GNPAT: variants seen among roughly 807,000 people sequenced by gnomAD.
GNPAT encodes the protein dihydroxyacetone phosphate acyltransferase.
A neutral mutation model predicts 78.4 loss-of-function variants in GNPAT; 30 were observed. That is an observed-to-expected ratio of 0.38 (90% confidence interval 0.29 to 0.52). The LOEUF (loss-of-function observed/expected upper bound fraction) is 0.52. Ranked by LOEUF, GNPAT falls within the 20% of genes least tolerant of loss-of-function variation. The probability of loss-of-function intolerance (pLI) is 0.84; values close to 1 mark genes in which losing one functional copy is unlikely to be tolerated. For synonymous variants in GNPAT, 271 were observed against 281.1 expected (o/e 0.96, Z 0.36); for missense variants, 714 against 812.2 (o/e 0.88, Z 1.47).
intron 1 of GNPAT, among the ~76,000 whole-genome samples, chr1:231,249,316 A>G (rs1684830173): frequency 1.3e-5 from 2 of 152,170 alleles, no homozygotes; most frequent in Non-Finnish European, 2.9e-5. Flanking sequence ...GGACATAAAA[A>G]TGTTCATGTT....
At chr1:231,269,325 G>C (rs911621058) in intron 9 of GNPAT, among the ~76,000 whole-genome samples, 1 of 152,200 alleles carries the variant, frequency 6.6e-6, no homozygotes, top group African/African-American at 2.4e-5. Flanking sequence ...GGGCCCCAGA[G>C]ATTCATCAGT....
At position 231,277,911 on chromosome 1, in the gene GNPAT, A is replaced by T. The variant is rs1160972101; in HGVS notation, c.*369A>T. Reference sequence around the variant, plus strand: ...CTGAAAGCTCTGGATATTAAAAGAAAATGAAAAGGGCATATCTACGTTACT... The same window carrying T: ...CTGAAAGCTCTGGATATTAAAAGAATATGAAAAGGGCATATCTACGTTACT... On this transcript the variant is annotated 3_prime_UTR_variant, in exon 16 of 16. Coordinates refer to ENST00000366647, the MANE Select transcript of GNPAT (RefSeq NM_014236.4). 1 of 175,920 alleles carries T rather than the reference A, an allele frequency of 5.7e-6. No homozygotes were observed. Among genetic ancestry groups the T allele is most frequent in the Non-Finnish European group, 1.2e-5 (1 of 82,606 alleles). The allele number at this position is 175,920 out of a possible 1,614,324, so 10.9% of individuals were successfully genotyped here.
rs776118687 is a variant in GNPAT, at chr1:231,270,750, G to A, written c.1280-8G>A. ...CATCTTGTTTGAATGAATTGTCTTT[G>A]TGTGTAGATAATAAACCTGCTGAAG... is the stretch of plus-strand genomic sequence containing the variant. On this transcript the variant is annotated splice_region_variant and splice_polypyrimidine_tract_variant and intron_variant, in intron 9 of 15. Transcript: ENST00000366647. 45 of 1,613,988 alleles carry A rather than the reference G, an allele frequency of 2.8e-5. No individual in the cohort carries two copies. In the South Asian group the frequency reaches 4.7e-4, roughly 17 times the overall value.
At chr1:231,268,158 C>A (rs1031079287) in intron 9 of GNPAT, among the ~76,000 whole-genome samples, 1 of 152,110 alleles carries the variant, frequency 6.6e-6, no homozygotes, top group Admixed American at 6.6e-5. Context: ...AAAAAATTAA[C>A]CAGGCGTGGT....
intron 2 of GNPAT, among the ~76,000 whole-genome samples, chr1:231,253,903 A>G (rs187683965): frequency 4.6e-5 from 7 of 152,286 alleles, no homozygotes; most frequent in Admixed American, 3.9e-4. Flanking sequence ...TTCTGATTTA[A>G]CTGGTCTGGG....
Position 231,276,168 on chromosome 1 carries a change from T to C in GNPAT, c.1971T>C (p.Pro657=), listed in dbSNP as rs140894633. The part of the protein sequence containing the change: ...NNNCIFNVNE[P]ATTKLEEMLG... ...ACTGTATATTTAATGTGAATGAACC[T>C]GCCACAACCAAATTAGAAGAAATGC... Residue 657 remains proline (P), a synonymous_variant, in exon 15 of 16, where the codon CCT becomes CCC. Transcript: ENST00000366647. 238 of 1,428,124 alleles carry C rather than the reference T, an allele frequency of 1.7e-4. No individual in the cohort carries two copies. The highest frequency in any genetic ancestry group is 2.3e-4 in the Non-Finnish European group (228 of 1,012,050). The allele number at this position is 1,428,124 out of a possible 1,614,324, so 88.5% of individuals were successfully genotyped here. A position where few individuals can be genotyped will look rare whatever the true frequency, so the allele number is the denominator to read the frequency against.
intron 10 of GNPAT, among the ~76,000 whole-genome samples, chr1:231,271,418 G>A (rs1286393709): frequency 1.3e-5 from 2 of 152,268 alleles, no homozygotes; most frequent in African/African-American, 4.8e-5. Flanking sequence ...AATTGTATCA[G>A]GAGTATAAAA....
chr1:231,272,994 A>C (rs1374619060), intron 11 of GNPAT, among the ~76,000 whole-genome samples: 2 of 151,998 alleles, frequency 1.3e-5, no homozygotes, highest in East Asian at 3.9e-4. Flanking sequence ...GAAACCAAAC[A>C]CAACAAAATC....
At chr1:231,243,724 T>C (rs1262455567) in intron 1 of GNPAT, among the ~76,000 whole-genome samples, 1 of 152,096 alleles carries the variant, frequency 6.6e-6, no homozygotes, top group Non-Finnish European at 1.5e-5. Flanking sequence ...TAGAATTAGT[T>C]AGATTTGGGT....
At chr1:231,261,054 C>T (rs561507853) in intron 3 of GNPAT, among the ~76,000 whole-genome samples, 55 of 152,160 alleles carry the variant, frequency 3.6e-4, no homozygotes, top group Non-Finnish European at 6.0e-4. Context: ...TTATCCTTTT[C>T]CTAATACTCT....
intron 6 of GNPAT, 110 bp downstream of exon 6, chr1:231,265,897 C>A (rs1558334448): frequency 1.9e-6 from 2 of 1,054,274 alleles, no homozygotes; most frequent in Middle Eastern, 2.0e-4. Flanking sequence ...AAATGTATAA[C>A]TGTTGATATT....
chr1:231,265,895 A>G (rs1421091246), intron 6 of GNPAT, 108 bp downstream of exon 6: 37 of 1,057,122 alleles, frequency 3.5e-5, no homozygotes, highest in South Asian at 1.8e-4. Context: ...GTAAATGTAT[A>G]ACTGTTGATA....
At chr1:231,276,451 G>C (rs1458427036) in intron 15 of GNPAT, among the ~76,000 whole-genome samples, 1 of 152,192 alleles carries the variant, frequency 6.6e-6, no homozygotes, top group African/African-American at 2.4e-5. Context: ...AACATGACTG[G>C]TCTCAGCCAG....
chr1:231,265,489 CTT>C, intron 5 of GNPAT, 69 bp downstream of exon 5: 1 of 1,316,974 alleles, frequency 7.6e-7, no homozygotes, highest in South Asian at 1.2e-5. Context: ...CATTTAAACT[CTT>C]AACTTCTGAA....
chr1:231,246,102 A>G (rs765018997), intron 1 of GNPAT, among the ~76,000 whole-genome samples: 3 of 152,196 alleles, frequency 2.0e-5, no homozygotes, highest in South Asian at 2.1e-4. Flanking sequence ...TTATTTGTCT[A>G]TCGTGCTGGA....
At chr1:231,260,748 A>G in intron 3 of GNPAT, 65 bp downstream of exon 3, 3 of 1,138,896 alleles carry the variant, frequency 2.6e-6, no homozygotes, top group Non-Finnish European at 2.6e-6. Flanking sequence ...ACAAAAAAAA[A>G]AACAGTCTCT....
At chr1:231,253,411 A>G (rs1301077107) in intron 2 of GNPAT, among the ~76,000 whole-genome samples, 1 of 152,260 alleles carries the variant, frequency 6.6e-6, no homozygotes, top group Non-Finnish European at 1.5e-5. Context: ...AAGAAGAAAG[A>G]CAGTTGTCAA....
intron 8 of GNPAT, 76 bp from the exon 9 acceptor site, chr1:231,267,604 C>T (rs1278870635): frequency 3.4e-6 from 3 of 875,286 alleles, no homozygotes; most frequent in Admixed American, 1.7e-5. Context: ...CCTTCTAAAA[C>T]GTCTAGAGTC....
At chr1:231,246,308 G>A (rs1366261750) in intron 1 of GNPAT, among the ~76,000 whole-genome samples, 1 of 152,200 alleles carries the variant, frequency 6.6e-6, no homozygotes, top group African/African-American at 2.4e-5. Context: ...ACATACTACT[G>A]GTGGTATCAC....
Sources: allele counts gnomAD v4.1 joint callset (sites outside exome capture counted in the v4.1 genomes callset), GRCh38; gene constraint gnomAD v4.1.1; transcripts MANE v1.5; gene names NCBI Gene and HGNC (gene_info 2026-07-23, HGNC 2026-07-21).